Variants in BBOF1 observed in about 807,000 individuals in gnomAD.
The protein encoded by BBOF1 is basal body orientation factor 1.
Under a neutral mutation model 68.0 loss-of-function variants are expected in BBOF1, and 62 were observed. The ratio of observed to expected loss-of-function variants is 0.91; its 90% CI spans 0.74 to 1.13. The LOEUF (loss-of-function observed/expected upper bound fraction) is 1.13. Among genes scored for constraint, BBOF1 ranks in the 50% most tolerant of loss-of-function variants. The probability of loss-of-function intolerance (pLI) is 0.00; values close to 1 mark genes in which losing one functional copy is unlikely to be tolerated. For missense variants in BBOF1, 534 were observed against 600.1 expected (o/e 0.89, Z 1.15); for synonymous variants, 208 against 198.8 (o/e 1.05, Z -0.39).
At chr14:74,020,048 C>T (rs2059228323) in intron 1 of BBOF1, among the ~76,000 whole-genome samples, 1 of 152,162 alleles carries the variant, frequency 6.6e-6, no homozygotes, top group South Asian at 2.1e-4. Context: ...GAGAGTAATT[C>T]ATGCTCAATA....
intron 1 of BBOF1, among the ~76,000 whole-genome samples, chr14:74,020,171 C>T (rs536533785): frequency 6.6e-5 from 10 of 152,244 alleles, no homozygotes; most frequent in East Asian, 1.9e-4. Context: ...TTTAATAAAA[C>T]GATAGCCCAA....
Position 74,064,942 on chromosome 14 carries a change from T to C in BBOF1, c.*243T>C. The C allele has an allele frequency of 1.2e-6, 2 of 1,602,908 alleles. No homozygotes were observed. The highest frequency in any genetic ancestry group is 2.2e-5 in the South Asian group (2 of 90,594). On this transcript the variant is annotated 3_prime_UTR_variant, in exon 12 of 12. Transcript: ENST00000394009. ...CCACCTAAAACAGAACAAATCCGTG[T>C]CATATCCTAAGGACAAAGGAACTCT... is the stretch of plus-strand genomic sequence containing the variant.
At chr14:74,080,739 A>C (rs2060661230) in intron 10 of BBOF1, among the ~76,000 whole-genome samples, 1 of 152,208 alleles carries the variant, frequency 6.6e-6, no homozygotes, top group African/African-American at 2.4e-5. Context: ...CATCACACCC[A>C]GCCTACTCTT....
intron 3 of BBOF1, among the ~76,000 whole-genome samples, chr14:74,029,538 C>T (rs573909072): frequency 1.3e-5 from 2 of 151,960 alleles, no homozygotes; most frequent in Non-Finnish European, 2.9e-5. Flanking sequence ...AAAAATTAGC[C>T]AGGCATGGTG....
downstream of BBOF1, chr14:74,067,528 C>T (rs757410482): frequency 1.2e-6 from 2 of 1,614,138 alleles, no homozygotes; most frequent in East Asian, 4.5e-5. Flanking sequence ...GGGTATTTTC[C>T]TTATTGGCAT....
intron 8 of BBOF1, 76 bp from the exon 9 acceptor site, chr14:74,055,508 A>G (rs2060175141): frequency 1.1e-6 from 1 of 929,702 alleles, no homozygotes. Flanking sequence ...TACCCATTAT[A>G]TATTTTTTAA....
At chr14:74,036,823 T>C (rs1252083267) in intron 4 of BBOF1, among the ~76,000 whole-genome samples, 4 of 152,030 alleles carry the variant, frequency 2.6e-5, no homozygotes. Flanking sequence ...CCCATCCACC[T>C]CCATACTTCC....
chr14:74,068,964 C>T (rs761850051), downstream of BBOF1: 14 of 1,613,750 alleles, frequency 8.7e-6, no homozygotes, highest in Admixed American at 5.0e-5. Context: ...TCCGGATGAT[C>T]GCAAATAAAA....
intron 10 of BBOF1, among the ~76,000 whole-genome samples, chr14:74,078,854 A>G (rs2060641510): frequency 6.6e-6 from 1 of 151,334 alleles, no homozygotes; most frequent in Non-Finnish European, 1.5e-5. Flanking sequence ...TAGTAGAGAC[A>G]GTGTTTCACC....
intron 9 of BBOF1, chr14:74,074,933 C>T (rs749823746): frequency 1.6e-5 from 26 of 1,611,796 alleles, no homozygotes; most frequent in Non-Finnish European, 2.2e-5. Context: ...CAGAAGTCAA[C>T]CTCTATGCCA....
downstream of BBOF1, among the ~76,000 whole-genome samples, chr14:74,068,029 A>G (rs967224939): frequency 6.6e-6 from 1 of 150,516 alleles, no homozygotes; most frequent in Non-Finnish European, 1.5e-5. Context: ...TTACAGCCTT[A>G]CAGCAATAAT....
chr14:74,048,134 A>T (rs1689314320), intron 7 of BBOF1, 60 bp downstream of exon 7: 1 of 1,523,134 alleles, frequency 6.6e-7, no homozygotes, highest in South Asian at 1.2e-5. Context: ...GGGTTGGTAA[A>T]TACCAAAAAT....
chr14:74,072,761 A>C (rs1226339841), intron 9 of BBOF1: 1 of 893,576 alleles, frequency 1.1e-6, no homozygotes, highest in Non-Finnish European at 1.7e-6. Context: ...ACCACTAGGA[A>C]AGAGACACAT....
chr14:74,066,869 C>G (rs748743811), downstream of BBOF1: 1 of 1,613,952 alleles, frequency 6.2e-7, no homozygotes, highest in Non-Finnish European at 8.5e-7. Context: ...GGGCCAAGAT[C>G]AGCTCCAGGC....
At chr14:74,035,586 T>TAA (rs1566799006) in intron 4 of BBOF1, among the ~76,000 whole-genome samples, 1 of 72,550 alleles carries the variant, frequency 1.4e-5, no homozygotes, top group Non-Finnish European at 2.9e-5. Context: ...CCCAGCTAAT[T>TAA]TTTTTTTTTT....
chr14:74,064,959 AG>A lies in BBOF1; in HGVS notation c.*262del. The A allele has an allele frequency of 1.3e-6, 2 of 1,576,470 alleles. No homozygotes were observed. Among genetic ancestry groups the A allele is most frequent in the Non-Finnish European group, 1.7e-6 (2 of 1,148,556 alleles). ...AATCCGTGTCATATCCTAAGGACAAAGGAACTCTCCATTTAGAAACACAAAG... is the reference window on the plus strand; with the variant it reads ...AATCCGTGTCATATCCTAAGGACAAAGAACTCTCCATTTAGAAACACAAAG... On this transcript the variant is annotated 3_prime_UTR_variant, in exon 12 of 12. Coordinates refer to ENST00000394009, the MANE Select transcript of BBOF1 (RefSeq NM_025057.3).
intron 4 of BBOF1, among the ~76,000 whole-genome samples, chr14:74,037,955 CAA>C (rs76801094): frequency 1.8e-4 from 21 of 115,706 alleles, no homozygotes; most frequent in Non-Finnish European, 1.5e-4. Context: ...AACTCTGTTT[CAA>C]AAAAAAAAAA....
intron 3 of BBOF1, among the ~76,000 whole-genome samples, chr14:74,033,609 G>A (rs957303644): frequency 2.0e-5 from 3 of 151,722 alleles, no homozygotes; most frequent in Non-Finnish European, 1.5e-5. Context: ...AGGTGCGGTG[G>A]CTTATGCCTG....
Position 74,064,330 on chromosome 14 carries a change from T to C in BBOF1, c.1579-358T>C, listed in dbSNP as rs190038718. Among the ~76,000 whole-genome samples the C allele has an allele frequency of 3.3e-5, 5 of 150,912 alleles. No individual in the cohort carries two copies. The East Asian group carries it at 9.8e-4, about 29-fold the overall frequency. On this transcript the variant is annotated intron_variant, in intron 11 of 11. Transcript: ENST00000394009. ...AAAAAAATAATAATAATAATAGTAA[T>C]AATAATGTCTGCTACAAAGAACGTG...
Sources: allele counts gnomAD v4.1 joint callset (sites outside exome capture counted in the v4.1 genomes callset), GRCh38; gene constraint gnomAD v4.1.1; transcripts MANE v1.5; gene names NCBI Gene and HGNC (gene_info 2026-07-23, HGNC 2026-07-21).